The following JAK2 variants were observed in gnomAD, a reference collection of about 807,000 sequenced individuals.
JAK2 encodes tyrosine-protein kinase JAK2.
Under a neutral mutation model 139.3 loss-of-function variants are expected in JAK2, and 86 were observed. That is an observed-to-expected ratio of 0.62 (90% CI 0.52 to 0.74). The LOEUF (loss-of-function observed/expected upper bound fraction) is 0.74, where lower values mean the gene tolerates loss of function less well. Among genes scored for constraint, JAK2 ranks in the 30% least tolerant of loss-of-function variants. The probability of loss-of-function intolerance (pLI) is 0.00; values close to 1 mark genes in which losing one functional copy is unlikely to be tolerated. For synonymous variants in JAK2, 490 were observed against 437.7 expected (o/e 1.12, Z -1.49); for missense variants, 1,421 against 1,360.3 (o/e 1.04, Z -0.70).
intron 22 of JAK2, chr9:5,098,987 C>A (rs7039283): frequency 6.6e-6 from 1 of 152,114 alleles, no homozygotes; most frequent in Non-Finnish European, 1.5e-5. Flanking sequence ...TGAGCCACTG[C>A]GCCCGGCTTA....
intron 9 of JAK2, 110 bp downstream of exon 9, chr9:5,065,150 T>A: frequency 1.6e-6 from 1 of 634,420 alleles, no homozygotes; most frequent in Non-Finnish European, 2.4e-6. Flanking sequence ...ATTTGACAAG[T>A]TTTTTTTAAA....
intron 22 of JAK2, among the ~76,000 whole-genome samples, chr9:5,116,658 C>G (rs908685286): frequency 6.6e-6 from 1 of 152,100 alleles, no homozygotes; most frequent in Non-Finnish European, 1.5e-5. Context: ...TATTAAGACT[C>G]TACTGTGCTC....
At chr9:5,077,201 T>C (rs1819364903) in intron 14 of JAK2, among the ~76,000 whole-genome samples, 1 of 150,354 alleles carries the variant, frequency 6.7e-6, no homozygotes, top group Non-Finnish European at 1.5e-5. Flanking sequence ...TGTGCTGGTA[T>C]ATTATATATT....
intron 8 of JAK2, among the ~76,000 whole-genome samples, chr9:5,058,100 CA>C (rs1817894662): frequency 6.6e-6 from 1 of 152,206 alleles, no homozygotes; most frequent in East Asian, 1.9e-4. Context: ...AATGAATATT[CA>C]GGTCACTTTT....
chr9:4,988,670 T>G (rs188547908), intron 2 of JAK2, among the ~76,000 whole-genome samples: 59 of 152,346 alleles, frequency 3.9e-4, no homozygotes, highest in African/African-American at 1.4e-3. Context: ...TTATAACTTC[T>G]GCCCAGTTCT....
At chr9:5,055,243 AATAT>A (rs1817684549) in intron 7 of JAK2, among the ~76,000 whole-genome samples, 1 of 152,094 alleles carries the variant, frequency 6.6e-6, no homozygotes, top group Non-Finnish European at 1.5e-5. Context: ...ATTTTATGAT[AATAT>A]ATACCTGCTA....
At chr9:5,030,544 A>C (rs1022931967) in intron 4 of JAK2, among the ~76,000 whole-genome samples, 1 of 152,142 alleles carries the variant, frequency 6.6e-6, no homozygotes, top group Non-Finnish European at 1.5e-5. Context: ...TTAAAGATAA[A>C]GAATTTGGAG....
chr9:5,054,610 A>G lies in JAK2; in HGVS notation c.662A>G (p.Tyr221Cys). 2 of 1,612,276 alleles carry G rather than the reference A, an allele frequency of 1.2e-6. No homozygotes were observed. The highest frequency in any genetic ancestry group is 2.2e-5 in the East Asian group (1 of 44,852). The change falls in exon 7 of 25, where the codon TAT (tyrosine) becomes TGT (cysteine). Residue 221 changes from tyrosine to cysteine, a missense_variant. Physicochemically the swap from Tyr to Cys is radical, Grantham distance 194. Transcript: ENST00000381652. This position sits in a 1 kb window ranked among gnomAD's most constrained non-coding sequence, Gnocchi z 4.9. ...TGTATTCGAGCAAAGATCCAAGACT[A>G]TCATATTTTGACAAGGAAGCGAATA... ...PKCIRAKIQD[Y>C]HILTRKRIRY...
At position 5,080,396 on chromosome 9, in the gene JAK2, C is replaced by A; in HGVS notation, c.2283+16C>A. 1 of 1,590,508 alleles carries A rather than the reference C, an allele frequency of 6.3e-7. No homozygotes were observed. Among genetic ancestry groups the A allele is most frequent in the Non-Finnish European group, 8.6e-7 (1 of 1,166,110 alleles). On this transcript the variant is annotated intron_variant, in intron 17 of 24. Transcript: ENST00000381652. Reference sequence around the variant, plus strand: ...TTCTCAAAGAGTAAGTTTATATAGACTAAGTTAGAATTACTCTATCTCTGA... The same window carrying A: ...TTCTCAAAGAGTAAGTTTATATAGAATAAGTTAGAATTACTCTATCTCTGA...
intron 19 of JAK2, among the ~76,000 whole-genome samples, chr9:5,088,473 A>G (rs1820301468): frequency 6.6e-6 from 1 of 152,236 alleles, no homozygotes; most frequent in Non-Finnish European, 1.5e-5. Flanking sequence ...TAAATGTTAT[A>G]GCAACTTACC....
intron 22 of JAK2, among the ~76,000 whole-genome samples, chr9:5,122,278 G>A (rs572512365): frequency 6.6e-6 from 1 of 152,208 alleles, no homozygotes; most frequent in East Asian, 1.9e-4. Flanking sequence ...AGGCCAAAAC[G>A]TTCCCTTGGA....
rs1298260570 is a variant in JAK2 at position 5,127,886 on chromosome 9, G to A, written c.*1095G>A. The A allele has an allele frequency of 4.3e-6, 1 of 232,198 alleles. No individual in the cohort carries two copies. The highest frequency in any genetic ancestry group is 2.2e-5 in the African/African-American group (1 of 45,238). The allele number at this position is 232,198 out of a possible 1,614,324, so 14.4% of individuals were successfully genotyped here. On this transcript the variant is annotated 3_prime_UTR_variant, in exon 25 of 25. Transcript: ENST00000381652. ...ATTTCCTTTTTAGAGGGGAAATGAG[G>A]TAAATAAGTAAAAAAGTATGCTTGT...
chr9:5,096,182 C>G (rs1820971414), intron 22 of JAK2, among the ~76,000 whole-genome samples: 2 of 152,120 alleles, frequency 1.3e-5, no homozygotes. Context: ...TTCAAAAACA[C>G]AAAACCCATA....
chr9:5,111,397 C>T (rs1822519123), intron 22 of JAK2: 1 of 402,936 alleles, frequency 2.5e-6, no homozygotes, highest in Non-Finnish European at 4.8e-6. Flanking sequence ...CAGAGGCGGA[C>T]AGCGGCCTGG....
chr9:5,126,763 A>G lies in JAK2; in HGVS notation c.3371A>G (p.Asp1124Gly). 1 of 1,609,354 alleles carries G rather than the reference A, an allele frequency of 6.2e-7. No individual in the cohort carries two copies. The highest frequency in any genetic ancestry group is 8.5e-7 in the Non-Finnish European group (1 of 1,176,372). The part of the protein sequence containing the change: ...PSFRDLALRV[D>G]QIRDNMAG ...TTTAGGGATCTAGCTCTTCGAGTGG[A>G]TCAAATAAGGGATAACATGGCTGGA... The change falls in exon 25 of 25, where the codon GAT becomes GGT. Residue 1124 changes from aspartate (D) to glycine (G), a missense_variant. Transcript: ENST00000381652.
In JAK2 at chr9:5,128,936, G is replaced by C. The variant is rs959385669; in HGVS notation, c.*2145G>C. Among the ~76,000 whole-genome samples the C allele has an allele frequency of 6.6e-6, 1 of 151,950 alleles. No individual in the cohort carries two copies. Among genetic ancestry groups the C allele is most frequent in the Admixed American group, 6.6e-5 (1 of 15,258 alleles). ...TTCTGTAACTATTCCAGTATATTAAGTTATACAATCTTTATATAAATGACT... is the reference window on the plus strand; with the variant it reads ...TTCTGTAACTATTCCAGTATATTAACTTATACAATCTTTATATAAATGACT... On this transcript the variant is annotated 3_prime_UTR_variant, in exon 25 of 25. Transcript: ENST00000381652.
rs748204925 is a variant in JAK2, at chr9:5,073,826, A to G, written c.1864+41A>G. ...GGCTTTCTAATGCCTTTCTCAGAGC[A>G]TCTGTTTTTGTTTATATAGAAAATT... On this transcript the variant is annotated intron_variant, in intron 14 of 24. Transcript: ENST00000381652. The G allele has an allele frequency of 8.5e-6, 11 of 1,297,722 alleles. No homozygotes were observed. In the Admixed American group the frequency reaches 2.0e-4, roughly 23 times the overall value. The allele number at this position is 1,297,722 out of a possible 1,614,324, so 80.4% of individuals were successfully genotyped here.
intron 3 of JAK2, among the ~76,000 whole-genome samples, chr9:5,027,689 A>C (rs1388199431): frequency 1.3e-5 from 2 of 152,256 alleles, no homozygotes; most frequent in African/African-American, 4.8e-5. Flanking sequence ...CACTGCTTTG[A>C]TTAAGTTGAT....
chr9:5,067,358 G>GATTAT (rs1818642261), intron 10 of JAK2, among the ~76,000 whole-genome samples: 1 of 152,090 alleles, frequency 6.6e-6, no homozygotes. Flanking sequence ...TCTCATCTAT[G>GATTAT]ATTATATACT....
Sources: allele counts gnomAD v4.1 joint callset (sites outside exome capture counted in the v4.1 genomes callset), GRCh38; gene constraint gnomAD v4.1.1; non-coding constraint Gnocchi (gnomAD v3.1); transcripts MANE v1.5; gene names NCBI Gene and HGNC (gene_info 2026-07-23, HGNC 2026-07-21).